KLF8: variants seen among roughly 807,000 people sequenced by gnomAD.
KLF8 encodes KLF transcription factor 8.
In KLF8, 10 loss-of-function variants were observed where a neutral mutation model predicts 18.2. The ratio of observed to expected loss-of-function variants is 0.55; its 90% confidence interval spans 0.34 to 0.93. The LOEUF (loss-of-function observed/expected upper bound fraction) is 0.93, where lower values mean the gene tolerates loss of function less well. Among genes scored for constraint, KLF8 ranks in the 40% least tolerant of loss-of-function variants. The pLI, the probability that KLF8 is intolerant of heterozygous loss-of-function variation, is 0.02. For missense variants in KLF8, 264 were observed against 277.9 expected, an observed-to-expected ratio of 0.95 and a Z score of 0.36; for synonymous variants, 109 against 97.3, an observed-to-expected ratio of 1.12 and a Z score of -0.71.
the KLF8 span, among the ~76,000 whole-genome samples, chrX:55,954,272 A>G: frequency 5.4e-5 from 6 of 111,785 alleles, no homozygotes; most frequent in Non-Finnish European, 7.5e-5. Flanking sequence ...TCTTTAAACC[A>G]TCTTACTACA....
At chrX:56,221,304 C>G in the KLF8 span, among the ~76,000 whole-genome samples, 1 of 111,865 alleles carries the variant, frequency 8.9e-6, no homozygotes, top group South Asian at 3.7e-4. Context: ...CTCCCCTGGC[C>G]TTATTCCAAC....
chrX:56,192,626 G>T, the KLF8 span, among the ~76,000 whole-genome samples: 2 of 111,850 alleles, frequency 1.8e-5, no homozygotes, highest in Admixed American at 9.5e-5. Flanking sequence ...ACATAGACCG[G>T]TGGAAAAGAA....
chrX:55,967,622 G>T, the KLF8 span, among the ~76,000 whole-genome samples: 13 of 111,721 alleles, frequency 1.2e-4, no homozygotes, highest in Non-Finnish European at 2.1e-4. Flanking sequence ...AGAGAATTCT[G>T]CTATCAGAAA....
At chrX:56,270,496 C>T (rs2067042399) in intron 5 of KLF8, among the ~76,000 whole-genome samples, 175 bp downstream of exon 5, 1 of 110,358 alleles carries the variant, frequency 9.1e-6, no homozygotes, top group South Asian at 3.9e-4. Context: ...TGCATTTATA[C>T]TCATGGGCAC....
At chrX:56,078,833 C>G in the KLF8 span, among the ~76,000 whole-genome samples, 1 of 111,066 alleles carries the variant, frequency 9.0e-6, no homozygotes, top group Non-Finnish European at 1.9e-5. Flanking sequence ...TGTTATTGGT[C>G]TATTCAGAGA....
chrX:56,028,562 T>C, the KLF8 span, among the ~76,000 whole-genome samples: 1 of 111,349 alleles, frequency 9.0e-6, no homozygotes, highest in Admixed American at 9.5e-5. Context: ...CCGACTGCTG[T>C]GGAGTGTCCT....
At chrX:56,182,092 G>A in the KLF8 span, among the ~76,000 whole-genome samples, 1 of 111,622 alleles carries the variant, frequency 9.0e-6, no homozygotes, top group Non-Finnish European at 1.9e-5. Flanking sequence ...TCACTTTCAG[G>A]TACACCAGTC....
intron 2 of KLF8, among the ~76,000 whole-genome samples, chrX:56,252,693 A>C (rs1225420111): frequency 8.9e-6 from 1 of 112,241 alleles, no homozygotes; most frequent in African/African-American, 3.2e-5. Flanking sequence ...GGAAGTGCAG[A>C]TATCTCTTTG....
At chrX:56,144,103 T>G in the KLF8 span, among the ~76,000 whole-genome samples, 2 of 112,211 alleles carry the variant, frequency 1.8e-5, no homozygotes, top group Non-Finnish European at 3.8e-5. Flanking sequence ...CACCAAATAG[T>G]CTGGGGCAAC....
the KLF8 span, among the ~76,000 whole-genome samples, chrX:55,989,267 C>G: frequency 3.6e-5 from 4 of 112,024 alleles, no homozygotes; most frequent in Admixed American, 9.4e-5. Flanking sequence ...GAGAGGGCAT[C>G]CCTGTCTTGT....
the KLF8 span, among the ~76,000 whole-genome samples, chrX:56,115,928 A>G: frequency 1.8e-5 from 2 of 112,531 alleles, no homozygotes; most frequent in Non-Finnish European, 3.8e-5. Flanking sequence ...GGCTTCAAGC[A>G]TCTATCTTTT....
the KLF8 span, among the ~76,000 whole-genome samples, chrX:56,205,560 G>T: frequency 2.7e-5 from 3 of 112,138 alleles, no homozygotes; most frequent in Non-Finnish European, 3.8e-5. Flanking sequence ...AATTTGGTTT[G>T]CTCATAGTTT....
At chrX:56,123,993 A>G in the KLF8 span, among the ~76,000 whole-genome samples, 2 of 111,678 alleles carry the variant, frequency 1.8e-5, no homozygotes, top group African/African-American at 6.5e-5. Context: ...GGGAATGATG[A>G]GGTGAGAGTA....
the KLF8 span, among the ~76,000 whole-genome samples, chrX:56,107,683 G>A: frequency 9.0e-6 from 1 of 111,389 alleles, no homozygotes; most frequent in Non-Finnish European, 1.9e-5. Flanking sequence ...TTCCCAGGTA[G>A]GTCGATGCCC....
the KLF8 span, among the ~76,000 whole-genome samples, chrX:56,153,016 C>T: frequency 1.8e-5 from 2 of 111,640 alleles, no homozygotes; most frequent in Admixed American, 9.6e-5. Context: ...TCATTGAACA[C>T]GCAAAGAGCT....
At chrX:56,081,978 G>A in the KLF8 span, among the ~76,000 whole-genome samples, 1 of 111,294 alleles carries the variant, frequency 9.0e-6, no homozygotes, top group African/African-American at 3.3e-5. Context: ...GATAAATCAG[G>A]ATTTTTTTCC....
the KLF8 span, among the ~76,000 whole-genome samples, chrX:56,157,761 T>A: frequency 8.9e-6 from 1 of 111,843 alleles, no homozygotes; most frequent in African/African-American, 3.3e-5. Flanking sequence ...TGTAAATTTG[T>A]TTGAGTTCAT....
At chrX:55,909,283 C>T in the KLF8 span, among the ~76,000 whole-genome samples, 1 of 112,519 alleles carries the variant, frequency 8.9e-6, no homozygotes, top group Non-Finnish European at 1.9e-5. Context: ...AGCTTCCATA[C>T]TTGGTTCTAA....
At chrX:55,934,541 T>C in the KLF8 span, among the ~76,000 whole-genome samples, 1 of 112,296 alleles carries the variant, frequency 8.9e-6, no homozygotes, top group African/African-American at 3.2e-5. Flanking sequence ...CAGTGAAAGT[T>C]ATTCCATTGA....
Sources: allele counts gnomAD v4.1 joint callset (sites outside exome capture counted in the v4.1 genomes callset), GRCh38; gene constraint gnomAD v4.1.1; transcripts MANE v1.5; gene names NCBI Gene and HGNC (gene_info 2026-07-23, HGNC 2026-07-21).